Variants in SLC7A1 observed in about 807,000 individuals in gnomAD.
SLC7A1 encodes the protein solute carrier family 7 member 1, also known as high affinity cationic amino acid transporter 1.
SLC7A1 carries 10 observed loss-of-function variants against 53.9 expected under a neutral mutation model. The observed-to-expected ratio is 0.19, with a 90% CI of 0.11 to 0.31. SLC7A1 has a LOEUF of 0.31. SLC7A1 is among the 10% of genes least tolerant of loss of function. The probability of loss-of-function intolerance (pLI) is 1.00; values close to 1 mark genes in which losing one functional copy is unlikely to be tolerated. For synonymous variants in SLC7A1, 342 were observed against 338.7 expected, an observed-to-expected ratio of 1.01 and a Z score of -0.11; for missense variants, 525 against 827.2, an observed-to-expected ratio of 0.63 and a Z score of 4.48.
chr13:29,519,418 G>C (rs1868518399), intron 9 of SLC7A1, 29 bp downstream of exon 9: 1 of 1,352,240 alleles, frequency 7.4e-7, no homozygotes. Context: ...CTGCATTTCT[G>C]TCATGAGACC....
Position 29,537,198 on chromosome 13 carries a change from T to C in SLC7A1, c.-14-996A>G, listed in dbSNP as rs963324609. On this transcript the variant is annotated intron_variant, in intron 2 of 12. Coordinates refer to ENST00000380752, the MANE Select transcript of SLC7A1 (RefSeq NM_003045.5). ...TGGGGGTGGGAAAACAGATAAACTC[T>C]TCAGTGGAGAAACCCGAGGACCACC... Among the ~76,000 whole-genome samples, 11 of 152,260 alleles carry C rather than the reference T, an allele frequency of 7.2e-5. No individual in the cohort carries two copies. In the East Asian group the frequency reaches 1.9e-3, roughly 27 times the overall value.
chr13:29,514,617 A>G, intron 12 of SLC7A1, 34 bp from the exon 13 acceptor site: 1 of 1,517,666 alleles, frequency 6.6e-7, no homozygotes, highest in Non-Finnish European at 9.0e-7. Flanking sequence ...GCGTGAACAG[A>G]CCGCCGGTTG....
chr13:29,523,235 T>C, intron 7 of SLC7A1, 31 bp downstream of exon 7: 1 of 1,575,398 alleles, frequency 6.3e-7, no homozygotes, highest in Non-Finnish European at 8.7e-7. Flanking sequence ...GTTCCACCCC[T>C]AGGAGCAGCC....
chr13:29,548,429 G>T (rs1196275313), intron 2 of SLC7A1, among the ~76,000 whole-genome samples: 1 of 152,238 alleles, frequency 6.6e-6, no homozygotes, highest in Non-Finnish European at 1.5e-5. Context: ...TCAGTAACCG[G>T]GCGAGGCTGG....
At chr13:29,541,913 G>A (rs1398172905) in intron 2 of SLC7A1, among the ~76,000 whole-genome samples, 2 of 151,910 alleles carry the variant, frequency 1.3e-5, no homozygotes, top group Non-Finnish European at 2.9e-5. Context: ...ATATATTTTT[G>A]GATAAACAAA....
At chr13:29,580,601 C>G (rs1871603490) in intron 1 of SLC7A1, among the ~76,000 whole-genome samples, 3 of 152,184 alleles carry the variant, frequency 2.0e-5, no homozygotes, top group African/African-American at 4.8e-5. Context: ...CAAGACATGT[C>G]TCCTTACCTG....
At chr13:29,572,034 G>A (rs1297539398) in intron 1 of SLC7A1, among the ~76,000 whole-genome samples, 1 of 152,248 alleles carries the variant, frequency 6.6e-6, no homozygotes, top group Non-Finnish European at 1.5e-5. Context: ...AGGTCAAAGT[G>A]AAATGTCACA....
intron 4 of SLC7A1, among the ~76,000 whole-genome samples, chr13:29,531,290 A>G (rs1015979834): frequency 6.6e-6 from 1 of 152,040 alleles, no homozygotes; most frequent in Non-Finnish European, 1.5e-5. Context: ...CATCTGAGCT[A>G]GGCTAGCTCT....
chr13:29,563,575 G>A (rs1870850935), intron 1 of SLC7A1, among the ~76,000 whole-genome samples: 1 of 152,210 alleles, frequency 6.6e-6, no homozygotes, highest in Non-Finnish European at 1.5e-5. Context: ...AGGAGACGAA[G>A]ACAAGTTTCC....
chr13:29,549,665 A>C (rs2139129748), intron 2 of SLC7A1, among the ~76,000 whole-genome samples: 1 of 152,250 alleles, frequency 6.6e-6, no homozygotes, highest in South Asian at 2.1e-4. Context: ...GGTTACATCT[A>C]TTGTTTGTTT....
At chr13:29,591,987 T>G (rs1239131970) in intron 1 of SLC7A1, among the ~76,000 whole-genome samples, 17 of 152,206 alleles carry the variant, frequency 1.1e-4, no homozygotes, top group Non-Finnish European at 1.5e-5. Context: ...ACTGTGAGGC[T>G]GAGAGGGACA....
intron 8 of SLC7A1, among the ~76,000 whole-genome samples, chr13:29,520,572 T>A (rs907102301): frequency 3.9e-5 from 6 of 152,232 alleles, no homozygotes; most frequent in African/African-American, 1.4e-4. Context: ...AGAGTATACG[T>A]GTCTATTCAC....
intron 1 of SLC7A1, among the ~76,000 whole-genome samples, chr13:29,577,616 C>T (rs998221278): frequency 3.3e-5 from 5 of 152,338 alleles, no homozygotes; most frequent in East Asian, 1.9e-4. Context: ...TTTGCAATGA[C>T]GTGCAGAATG....
chr13:29,570,467 G>T (rs917088717), intron 1 of SLC7A1, among the ~76,000 whole-genome samples: 1 of 152,042 alleles, frequency 6.6e-6, no homozygotes, highest in Non-Finnish European at 1.5e-5. Context: ...ACCCACACCC[G>T]CCCCCCTACC....
At chr13:29,574,640 A>C (rs2139172781) in intron 1 of SLC7A1, among the ~76,000 whole-genome samples, 1 of 145,692 alleles carries the variant, frequency 6.9e-6, no homozygotes, top group Non-Finnish European at 1.5e-5. Context: ...GGAGCAGCTA[A>C]TGCTTTTTTT....
chr13:29,593,310 T>C (rs1872183123), intron 1 of SLC7A1, among the ~76,000 whole-genome samples: 1 of 152,184 alleles, frequency 6.6e-6, no homozygotes, highest in Non-Finnish European at 1.5e-5. Flanking sequence ...GCCTTTAAAA[T>C]CTATCCAGGT....
intron 1 of SLC7A1, among the ~76,000 whole-genome samples, chr13:29,569,734 G>A: frequency 6.6e-6 from 1 of 152,120 alleles, no homozygotes. Context: ...CTGAGCAGCT[G>A]GTATGCAGCA....
intron 8 of SLC7A1, among the ~76,000 whole-genome samples, chr13:29,521,264 A>G (rs768393893): frequency 6.6e-6 from 1 of 152,268 alleles, no homozygotes; most frequent in African/African-American, 2.4e-5. Flanking sequence ...AGTTTGCTAA[A>G]GGCATAAATG....
chr13:29,554,026 G>A (rs915486777), intron 1 of SLC7A1, among the ~76,000 whole-genome samples, 166 bp from the exon 2 acceptor site: 1 of 152,196 alleles, frequency 6.6e-6, no homozygotes, highest in African/African-American at 2.4e-5. Context: ...GCCCACCATG[G>A]GGCATCATCG....
Sources: allele counts gnomAD v4.1 joint callset (sites outside exome capture counted in the v4.1 genomes callset), GRCh38; gene constraint gnomAD v4.1.1; transcripts MANE v1.5; gene names NCBI Gene and HGNC (gene_info 2026-07-23, HGNC 2026-07-21).